Variants in DBH observed in about 807,000 individuals in gnomAD.
DBH encodes dopamine beta-hydroxylase, also known as dopamine beta-hydroxylase (dopamine beta-monooxygenase).
A neutral mutation model predicts 64.0 loss-of-function variants in DBH; 49 were observed. The observed-to-expected ratio is 0.77, with a 90% CI of 0.61 to 0.97. The LOEUF (loss-of-function observed/expected upper bound fraction) is 0.97. Among genes scored for constraint, DBH ranks in the 50% least tolerant of loss-of-function variants. The pLI, the probability that DBH is intolerant of heterozygous loss-of-function variation, is 0.00. For synonymous variants in DBH, 343 were observed against 347.1 expected, an observed-to-expected ratio of 0.99 and a Z score of 0.13; for missense variants, 828 against 826.6, an observed-to-expected ratio of 1.00 and a Z score of -0.02.
chr9:133,637,572 C>T (rs1832067984), intron 1 of DBH, among the ~76,000 whole-genome samples: 1 of 152,222 alleles, frequency 6.6e-6, no homozygotes, highest in Non-Finnish European at 1.5e-5. Context: ...GAGGTGCCTG[C>T]TTTATCTGGG....
In DBH at chr9:133,642,412, G is replaced by A. The variant is rs1024022004; in HGVS notation, c.692G>A (p.Trp231Ter). 6.2e-7 allele frequency: 1 copy of A among 1,613,780 alleles called. No individual in the cohort carries two copies. Among genetic ancestry groups the A allele is most frequent in the Non-Finnish European group, 8.5e-7 (1 of 1,179,858 alleles). The change falls in exon 3 of 12, where the codon TGG becomes TAG. Residue 231 changes from tryptophan to a stop codon, truncating the protein, a stop_gained. Coordinates refer to ENST00000393056, the MANE Select transcript of DBH (RefSeq NM_000787.4). LOFTEE classifies it high-confidence loss of function. ...IQIPSQETTY[W>*]CYIKELPKGF... The stretch of plus-strand genomic sequence containing the variant: ...ATCCCCAGCCAGGAGACCACGTACT[G>A]GTGCTACATTAAGGAGCTTCCAAAG...
rs1832370191 is a variant in DBH, at chr9:133,658,732, T to C, written c.*285T>C. On this transcript the variant is annotated 3_prime_UTR_variant, in exon 12 of 12. Coordinates refer to ENST00000393056, the MANE Select transcript of DBH (RefSeq NM_000787.4). Reference sequence around the variant, plus strand: ...CTCAGTGCAGGGACAGCCTGCACAGTGGTCCAGGGTCCAGCCCTCCGCCAG... The same window carrying C: ...CTCAGTGCAGGGACAGCCTGCACAGCGGTCCAGGGTCCAGCCCTCCGCCAG... 3.6e-6 allele frequency: 1 copy of C among 277,074 alleles called. No individual in the cohort carries two copies. The allele number at this position is 277,074 out of a possible 1,614,324, so 17.2% of individuals were successfully genotyped here.
Position 133,652,289 on chromosome 9 carries a change from G to T in DBH, c.1374+5G>T. ...AAGGTCGTGTCGGTCCATCCGGTGA[G>T]TGCCCAGCGGGAAGGCTGTCCCACT... On this transcript the variant is annotated splice_donor_5th_base_variant and intron_variant, in intron 8 of 11. Transcript: ENST00000393056. The T allele has an allele frequency of 6.2e-7, 1 of 1,613,184 alleles. No individual in the cohort carries two copies. The highest frequency in any genetic ancestry group is 8.5e-7 in the Non-Finnish European group (1 of 1,180,008).
chr9:133,653,839 C>T (rs1204937862), intron 9 of DBH, among the ~76,000 whole-genome samples: 2 of 152,236 alleles, frequency 1.3e-5, no homozygotes, highest in Non-Finnish European at 2.9e-5. Flanking sequence ...TTCACAATTA[C>T]CTGGGTCCCA....
intron 10 of DBH, 83 bp downstream of exon 10, chr9:133,656,733 G>T: frequency 6.5e-7 from 1 of 1,544,458 alleles, no homozygotes; most frequent in South Asian, 1.1e-5. Context: ...GGGCAGATTG[G>T]AGGAGTCCAG....
At chr9:133,651,901 C>T in intron 7 of DBH, 124 bp downstream of exon 7, 1 of 999,120 alleles carries the variant, frequency 1.0e-6, no homozygotes, top group Non-Finnish European at 1.5e-6. Context: ...TGGGCCAGCC[C>T]CACCCGCCCC....
intron 5 of DBH, among the ~76,000 whole-genome samples, chr9:133,647,272 C>G (rs1832192835): frequency 6.6e-6 from 1 of 152,224 alleles, no homozygotes. Flanking sequence ...AACCTCAACA[C>G]AGAGATACAC....
chr9:133,647,613 C>T (rs1832196969), intron 5 of DBH, among the ~76,000 whole-genome samples: 2 of 152,208 alleles, frequency 1.3e-5, no homozygotes, highest in South Asian at 4.1e-4. Flanking sequence ...CTCTTTCTTC[C>T]CAGTGAGTGT....
At chr9:133,657,029 G>A (rs769916035) in intron 10 of DBH, 41 bp from the exon 11 acceptor site, 63 of 1,612,198 alleles carry the variant, frequency 3.9e-5, no homozygotes, top group South Asian at 2.1e-4. Context: ...CTCCCTGCCC[G>A]TCAGCTGCTC....
At position 133,642,565 on chromosome 9, in the gene DBH, C is replaced by A. The variant is rs1268105349; in HGVS notation, c.744+101C>A. Reference sequence around the variant, plus strand: ...AGAGCTGTCCACAGTCCTGGTTGGACCAGGTGTCCTCTTATCACTGGAACC... The same window carrying A: ...AGAGCTGTCCACAGTCCTGGTTGGAACAGGTGTCCTCTTATCACTGGAACC... On this transcript the variant is annotated intron_variant, in intron 3 of 11. Coordinates refer to ENST00000393056, the MANE Select transcript of DBH (RefSeq NM_000787.4). The A allele has an allele frequency of 3.5e-6, 5 of 1,433,026 alleles. No individual in the cohort carries two copies. The African/African-American group carries it at 7.1e-5, about 20-fold the overall frequency. The allele number at this position is 1,433,026 out of a possible 1,614,324, so 88.8% of individuals were successfully genotyped here. A position where few individuals can be genotyped will look rare whatever the true frequency, so the allele number is the denominator to read the frequency against.
intron 9 of DBH, 62 bp from the exon 10 acceptor site, chr9:133,656,461 C>G: frequency 6.2e-7 from 1 of 1,611,298 alleles, no homozygotes; most frequent in Non-Finnish European, 8.5e-7. Context: ...GCGGCGAAAG[C>G]TGCTGGATGG....
intron 1 of DBH, 78 bp from the exon 2 acceptor site, chr9:133,639,768 C>T: frequency 1.0e-5 from 15 of 1,482,578 alleles, no homozygotes; most frequent in Non-Finnish European, 1.4e-5. Flanking sequence ...CGGAGCTCTG[C>T]CGGGGAATGC....
intron 1 of DBH, among the ~76,000 whole-genome samples, chr9:133,637,525 C>A (rs1301386329): frequency 6.6e-6 from 1 of 152,216 alleles, no homozygotes; most frequent in East Asian, 1.9e-4. Flanking sequence ...CAGAAACACA[C>A]AAAGGAGTGA....
intron 11 of DBH, among the ~76,000 whole-genome samples, chr9:133,657,515 A>G (rs1054747097): frequency 4.0e-5 from 6 of 150,224 alleles, no homozygotes; most frequent in Non-Finnish European, 7.4e-5. Flanking sequence ...AGAGAGAGAG[A>G]GAGGGAGAGA....
rs769637610 is a variant in DBH at position 133,636,417 on chromosome 9, C to CG, written c.49dup (p.Glu17GlyfsTer28). The CG allele has an allele frequency of 1.2e-6, 2 of 1,612,258 alleles. No homozygotes were observed. Among genetic ancestry groups the CG allele is most frequent in the South Asian group, 2.2e-5 (2 of 91,068 alleles). The stretch of plus-strand genomic sequence containing the variant: ...GGCCAGCCTGCCCGGCCCCAGCATG[C>CG]GGGAGGCAGCCTTCATGTACAGCAC... On this transcript the variant is annotated frameshift_variant, in exon 1 of 12. Coordinates refer to ENST00000393056, the MANE Select transcript of DBH (RefSeq NM_000787.4). LOFTEE classifies it high-confidence loss of function.
In DBH at chr9:133,644,276, A is replaced by G; in HGVS notation, c.980A>G (p.Tyr327Cys). Residue 327 changes from tyrosine to cysteine, a missense_variant, in exon 5 of 12, where the codon TAT becomes TGT. By Grantham distance (194) the Tyr-to-Cys change is radical. Coordinates refer to ENST00000393056, the MANE Select transcript of DBH (RefSeq NM_000787.4). ...TTCGGGGGTCCAGGGTCCTCCAGAT[A>G]TCTCCGCCTGGAAGTTCACTACCAC... Reference protein sequence around the residue: ...LAFGGPGSSRYLRLEVHYHNP... With the variant: ...LAFGGPGSSRCLRLEVHYHNP... 1 of 1,614,168 alleles carries G rather than the reference A, an allele frequency of 6.2e-7. No homozygotes were observed. The highest frequency in any genetic ancestry group is 8.5e-7 in the Non-Finnish European group (1 of 1,180,020).
chr9:133,638,283 C>T (rs758410865), intron 1 of DBH, among the ~76,000 whole-genome samples: 10 of 152,248 alleles, frequency 6.6e-5, no homozygotes, highest in Non-Finnish European at 4.4e-5. Flanking sequence ...AAATGAGTCT[C>T]TCGGCAAACC....
Position 133,647,742 on chromosome 9 carries a change from C to A in DBH, c.1025-104C>A. The A allele has an allele frequency of 2.1e-6, 3 of 1,439,326 alleles. No homozygotes were observed. In the South Asian group the frequency reaches 3.7e-5, roughly 18 times the overall value. The allele number at this position is 1,439,326 out of a possible 1,614,324, so 89.2% of individuals were successfully genotyped here. On this transcript the variant is annotated intron_variant, in intron 5 of 11. Coordinates refer to ENST00000393056, the MANE Select transcript of DBH (RefSeq NM_000787.4). ...GCAGATGGGGGGTGACCGGCCCTGCCTCCTGGCTGAGGGTGGCTGGGGTCA... is the reference window on the plus strand; with the variant it reads ...GCAGATGGGGGGTGACCGGCCCTGCATCCTGGCTGAGGGTGGCTGGGGTCA...
Position 133,648,003 on chromosome 9 carries a change from C to T in DBH, c.1182C>T (p.Cys394=). The change falls in exon 6 of 12, where the codon TGC becomes TGT. Residue 394 remains cysteine (C), a synonymous_variant. Transcript: ENST00000393056. ...TCACTGGCTACTGCACGGACAAGTG[C>T]ACCCAGCTGGTGAGTGGGGCTGGGC... is the stretch of plus-strand genomic sequence containing the variant. ...FILTGYCTDK[C]TQLALPPSGI... is the part of the protein sequence containing the mutation. 1 of 1,612,386 alleles carries T rather than the reference C, an allele frequency of 6.2e-7. No individual in the cohort carries two copies. The highest frequency in any genetic ancestry group is 1.1e-5 in the South Asian group (1 of 90,784).
Sources: allele counts gnomAD v4.1 joint callset (sites outside exome capture counted in the v4.1 genomes callset), GRCh38; gene constraint gnomAD v4.1.1; transcripts MANE v1.5; gene names NCBI Gene and HGNC (gene_info 2026-07-23, HGNC 2026-07-21).